Variants in KCNIP4 observed in about 807,000 individuals in gnomAD.
KCNIP4 encodes Kv channel-interacting protein 4.
KCNIP4 carries 12 observed loss-of-function variants against 34.0 expected under a neutral mutation model. The ratio of observed to expected loss-of-function variants is 0.35; its 90% confidence interval spans 0.23 to 0.57. KCNIP4 has a LOEUF of 0.57. Among genes scored for constraint, KCNIP4 ranks in the 20% least tolerant of loss-of-function variants. The pLI, the probability that KCNIP4 is intolerant of heterozygous loss-of-function variation, is 0.83. For synonymous variants in KCNIP4, 124 were observed against 102.2 expected (o/e 1.21, Z -1.29); for missense variants, 238 against 311.7 (o/e 0.76, Z 1.78).
intron 1 of KCNIP4, among the ~76,000 whole-genome samples, chr4:20,904,500 ATCTC>A (rs1024030831): frequency 6.6e-6 from 1 of 152,046 alleles, no homozygotes; most frequent in African/African-American, 2.4e-5. Context: ...TTTCCACACT[ATCTC>A]TCTTTTTAAA....
intron 1 of KCNIP4, among the ~76,000 whole-genome samples, chr4:21,577,590 C>T (rs749466802): frequency 3.3e-5 from 5 of 151,972 alleles, no homozygotes; most frequent in Non-Finnish European, 7.4e-5. Flanking sequence ...GAGATCGCGC[C>T]ATTGCATTCC....
intron 1 of KCNIP4, among the ~76,000 whole-genome samples, chr4:21,129,889 T>TAA (rs11384657): frequency 0.18 from 27,037 of 149,370 alleles, 2,821 homozygotes; most frequent in African/African-American, 0.3. Flanking sequence ...GCAGAAATGT[T>TAA]AAAAAAAAAA....
At chr4:20,936,412 A>AAG (rs1158012842) in intron 1 of KCNIP4, among the ~76,000 whole-genome samples, 2 of 56,154 alleles carry the variant, frequency 3.6e-5, no homozygotes, top group Non-Finnish European at 7.4e-5. Flanking sequence ...ATTAAAAGAT[A>AAG]TGTTTTTTTT....
At chr4:20,845,939 A>T (rs919179017) in intron 3 of KCNIP4, among the ~76,000 whole-genome samples, 1 of 152,198 alleles carries the variant, frequency 6.6e-6, no homozygotes, top group Non-Finnish European at 1.5e-5. Context: ...CAACCAGAGC[A>T]CTTAGCTATG....
chr4:21,194,493 G>A (rs1280844299), intron 1 of KCNIP4, among the ~76,000 whole-genome samples: 4 of 152,152 alleles, frequency 2.6e-5, no homozygotes, highest in African/African-American at 9.7e-5. Flanking sequence ...ACAATCTCGG[G>A]TCCTAATGGT....
At position 21,463,467 on chromosome 4, in the gene KCNIP4, G is replaced by T. The variant is rs190890316; in HGVS notation, c.61+485104C>A. Among the ~76,000 whole-genome samples, 467 of 152,030 alleles carry T rather than the reference G, an allele frequency of 3.1e-3. 1 individual carries two copies. The highest frequency in any genetic ancestry group is 0.011 in the African/African-American group (440 of 41,492). ...CTAGTTTCTGTCTCTATAGATTTCT[G>T]TATTCTGGACATTCATATAAATGGA... On this transcript the variant is annotated intron_variant, in intron 1 of 8. Coordinates refer to ENST00000382152, the MANE Select transcript of KCNIP4 (RefSeq NM_025221.6).
chr4:21,928,748 C>T (rs1181384545), intron 1 of KCNIP4, among the ~76,000 whole-genome samples: 1 of 152,058 alleles, frequency 6.6e-6, no homozygotes, highest in African/African-American at 2.4e-5. Context: ...TCCCCCTTCT[C>T]TGAAAATGAT....
At chr4:21,610,549 C>A (rs1220633498) in intron 1 of KCNIP4, among the ~76,000 whole-genome samples, 1 of 151,918 alleles carries the variant, frequency 6.6e-6, no homozygotes, top group African/African-American at 2.4e-5. Context: ...ACAATTTAGC[C>A]CATAACACAG....
At chr4:21,845,403 C>A (rs1723951145) in intron 1 of KCNIP4, 1 of 152,056 alleles carries the variant, frequency 6.6e-6, no homozygotes, top group Admixed American at 6.6e-5. Flanking sequence ...TAACTTTTAT[C>A]AACCATTTAT....
At chr4:21,124,319 C>T (rs1237330155) in intron 1 of KCNIP4, among the ~76,000 whole-genome samples, 3 of 152,106 alleles carry the variant, frequency 2.0e-5, no homozygotes, top group African/African-American at 4.8e-5. Context: ...GATGGTGTCT[C>T]AGAGATCCCT....
chr4:21,773,767 G>GTTTTT (rs373554454), intron 1 of KCNIP4, among the ~76,000 whole-genome samples: 12,387 of 138,132 alleles, frequency 0.09, 2,044 homozygotes, highest in African/African-American at 0.36. Context: ...TTGTTTGTTT[G>GTTTTT]TTTTTGTTTT....
intron 1 of KCNIP4, among the ~76,000 whole-genome samples, chr4:21,206,486 A>C (rs1449711718): frequency 6.6e-6 from 1 of 152,134 alleles, no homozygotes; most frequent in African/African-American, 2.4e-5. Context: ...GGAAGGTTAT[A>C]AAGAGGTTTT....
intron 1 of KCNIP4, among the ~76,000 whole-genome samples, chr4:21,801,498 TCAC>T (rs1224010486): frequency 2.0e-5 from 3 of 152,132 alleles, no homozygotes; most frequent in Admixed American, 6.5e-5. Flanking sequence ...ATGACATACA[TCAC>T]CAAGTTGTGG....
intron 3 of KCNIP4, among the ~76,000 whole-genome samples, chr4:20,824,487 C>T (rs1717483611): frequency 6.6e-6 from 1 of 152,102 alleles, no homozygotes; most frequent in African/African-American, 2.4e-5. Flanking sequence ...CAAGACCATC[C>T]TGGCCAACAT....
chr4:21,720,521 GTT>G (rs1167125424), intron 1 of KCNIP4, among the ~76,000 whole-genome samples: 1 of 111,032 alleles, frequency 9.0e-6, no homozygotes, highest in African/African-American at 4.3e-5. Context: ...CCCCCATTCT[GTT>G]TTTTTTCTTT....
chr4:21,794,607 C>T (rs550582151), intron 1 of KCNIP4, among the ~76,000 whole-genome samples: 52 of 152,206 alleles, frequency 3.4e-4, no homozygotes, highest in African/African-American at 1.2e-3. Context: ...CTCACTGAGA[C>T]AGCCGGGCGC....
At chr4:21,851,097 A>C (rs1227322654) in intron 1 of KCNIP4, 3 of 152,002 alleles carry the variant, frequency 2.0e-5, no homozygotes, top group Non-Finnish European at 4.4e-5. Context: ...AAGAAAACTG[A>C]AATAAGGTTG....
chr4:21,496,442 C>A (rs1194218516), intron 1 of KCNIP4, among the ~76,000 whole-genome samples: 1 of 152,098 alleles, frequency 6.6e-6, no homozygotes, highest in Non-Finnish European at 1.5e-5. Flanking sequence ...AAGAGTTTAG[C>A]CCAATTCTAA....
At chr4:21,508,043 T>C (rs2109912028) in intron 1 of KCNIP4, among the ~76,000 whole-genome samples, 1 of 152,318 alleles carries the variant, frequency 6.6e-6, no homozygotes, top group Admixed American at 6.5e-5. Flanking sequence ...GCCAAATTTC[T>C]TTTCCAGTTA....
Sources: allele counts gnomAD v4.1 joint callset (sites outside exome capture counted in the v4.1 genomes callset), GRCh38; gene constraint gnomAD v4.1.1; transcripts MANE v1.5; gene names NCBI Gene and HGNC (gene_info 2026-07-23, HGNC 2026-07-21).